Variants in TMLHE observed in about 807,000 individuals in gnomAD.
TMLHE encodes the protein trimethyllysine dioxygenase, mitochondrial.
TMLHE carries 18 observed loss-of-function variants against 25.7 expected under a neutral mutation model. The ratio of observed to expected loss-of-function variants is 0.70; its 90% CI spans 0.48 to 1.04. TMLHE has a LOEUF of 1.04. Ranked by LOEUF, TMLHE falls within the 50% of genes least tolerant of loss-of-function variation. The probability of loss-of-function intolerance (pLI) is 0.00; values close to 1 mark genes in which losing one functional copy is unlikely to be tolerated. For synonymous variants in TMLHE, 105 were observed against 97.0 expected, an observed-to-expected ratio of 1.08 and a Z score of -0.49; for missense variants, 236 against 259.0, an observed-to-expected ratio of 0.91 and a Z score of 0.61.
At chrX:155,555,585 T>C (rs782566642) in intron 1 of TMLHE, among the ~76,000 whole-genome samples, 2 of 111,207 alleles carry the variant, frequency 1.8e-5, no homozygotes, top group African/African-American at 3.3e-5. Flanking sequence ...TGGCGTGAGA[T>C]GGTATCTCAT....
intron 2 of TMLHE, among the ~76,000 whole-genome samples, chrX:155,530,188 C>T (rs1254539222): frequency 1.8e-5 from 2 of 111,324 alleles, no homozygotes; most frequent in Non-Finnish European, 3.8e-5. Flanking sequence ...TGTTGATGGA[C>T]GAATGTATAA....
rs782734419 is a variant in TMLHE, at chrX:155,525,371, C to T, written c.182-739G>A. Among the ~76,000 whole-genome samples the T allele has an allele frequency of 3.5e-4, 39 of 112,112 alleles. No individual in the cohort carries two copies. The South Asian group carries it at 0.014, about 40-fold the overall frequency. On this transcript the variant is annotated intron_variant, in intron 2 of 7. Coordinates refer to ENST00000334398, the MANE Select transcript of TMLHE (RefSeq NM_018196.4). ...CACCTTCCACCATGATTGTAAGTTT[C>T]CTGAGGCCTCCCAGCCATGCTTACT...
intron 1 of TMLHE, among the ~76,000 whole-genome samples, chrX:155,601,221 A>C (rs1031502174): frequency 7.1e-5 from 8 of 112,424 alleles, no homozygotes; most frequent in Non-Finnish European, 1.5e-4. Context: ...AGCTAAAAGG[A>C]AATGACACCA....
chrX:155,588,553 T>C (rs1199856202), intron 1 of TMLHE, among the ~76,000 whole-genome samples: 6 of 111,123 alleles, frequency 5.4e-5, no homozygotes, highest in African/African-American at 1.3e-4. Flanking sequence ...AGACAACCCA[T>C]TGAATGGGAG....
At chrX:155,589,167 G>C (rs1426307791) in intron 1 of TMLHE, among the ~76,000 whole-genome samples, 7 of 112,032 alleles carry the variant, frequency 6.2e-5, no homozygotes, top group Non-Finnish European at 1.1e-4. Flanking sequence ...AATGAAATCG[G>C]CTGGGTGTGG....
chrX:155,610,939 A>G (rs1569562317), intron 1 of TMLHE, among the ~76,000 whole-genome samples: 1 of 111,077 alleles, frequency 9.0e-6, no homozygotes, highest in African/African-American at 3.3e-5. Flanking sequence ...ACATTCATTG[A>G]TTGCCTTTGG....
intron 1 of TMLHE, among the ~76,000 whole-genome samples, chrX:155,582,210 C>G (rs1455537045): frequency 1.8e-5 from 2 of 112,004 alleles, no homozygotes; most frequent in African/African-American, 6.5e-5. Context: ...AGACCTGAAA[C>G]CACAAAAACC....
intron 3 of TMLHE, among the ~76,000 whole-genome samples, chrX:155,523,629 T>C (rs977183748): frequency 9.0e-6 from 1 of 111,505 alleles, no homozygotes; most frequent in African/African-American, 3.3e-5. Context: ...GTTTTGCCTC[T>C]CCTAGGGCCT....
chrX:155,548,283 G>C (rs1291082381), intron 1 of TMLHE, among the ~76,000 whole-genome samples: 1 of 111,520 alleles, frequency 9.0e-6, no homozygotes, highest in East Asian at 2.8e-4. Flanking sequence ...TACATCAAAG[G>C]ATACAACCAA....
intron 1 of TMLHE, among the ~76,000 whole-genome samples, chrX:155,584,728 GA>G (rs199501719): frequency 2.8e-5 from 3 of 108,903 alleles, no homozygotes; most frequent in African/African-American, 1.0e-4. Context: ...TGTCCTGAAA[GA>G]AAAAAAAACT....
intron 1 of TMLHE, among the ~76,000 whole-genome samples, chrX:155,591,426 TC>T (rs1485284980): frequency 4.5e-5 from 5 of 111,764 alleles, no homozygotes; most frequent in African/African-American, 1.6e-4. Flanking sequence ...ATATGCAAGG[TC>T]ATAAAATAAT....
intron 5 of TMLHE, 139 bp downstream of exon 5, chrX:155,511,534 G>T: frequency 1.7e-6 from 1 of 603,089 alleles, no homozygotes; most frequent in Non-Finnish European, 2.4e-6. Flanking sequence ...AAATGATCAT[G>T]TTTCTAGGGG....
intron 5 of TMLHE, among the ~76,000 whole-genome samples, chrX:155,509,950 T>G (rs1557333177): frequency 9.0e-6 from 1 of 111,604 alleles, no homozygotes; most frequent in African/African-American, 3.2e-5. Flanking sequence ...AAAAGCATCT[T>G]ATTCCGTGTG....
chrX:155,538,450 C>T (rs1415307297), intron 2 of TMLHE, among the ~76,000 whole-genome samples: 2 of 111,497 alleles, frequency 1.8e-5, no homozygotes, highest in East Asian at 5.6e-4. Context: ...TGAAAAATCT[C>T]AAATTAGTAC....
At chrX:155,539,785 A>G (rs1369339451) in intron 2 of TMLHE, among the ~76,000 whole-genome samples, 2 of 111,304 alleles carry the variant, frequency 1.8e-5, no homozygotes, top group Non-Finnish European at 3.8e-5. Flanking sequence ...TAGATAGGCA[A>G]CTAAACAAAA....
chrX:155,578,974 A>C (rs1452373841), intron 1 of TMLHE, among the ~76,000 whole-genome samples: 3 of 112,296 alleles, frequency 2.7e-5, no homozygotes, highest in African/African-American at 9.7e-5. Flanking sequence ...GCCAGTAATT[A>C]TCCAGCTGAG....
At chrX:155,522,546 C>T (rs184785374) in intron 3 of TMLHE, among the ~76,000 whole-genome samples, 8 of 112,051 alleles carry the variant, frequency 7.1e-5, no homozygotes, top group East Asian at 2.8e-4. Context: ...CAGCTACATC[C>T]GCCACCTCCT....
chrX:155,576,555 T>C (rs1213915010), intron 1 of TMLHE, among the ~76,000 whole-genome samples: 1 of 111,421 alleles, frequency 9.0e-6, no homozygotes, highest in African/African-American at 3.3e-5. Flanking sequence ...GCCAAAACAA[T>C]CGTAAGGAAA....
At chrX:155,507,601 TC>T (rs782043747) in intron 5 of TMLHE, among the ~76,000 whole-genome samples, 1 of 109,946 alleles carries the variant, frequency 9.1e-6, no homozygotes, top group African/African-American at 3.3e-5. Context: ...TTTTGACTAA[TC>T]TTAAAGAATG....
Sources: allele counts gnomAD v4.1 joint callset (sites outside exome capture counted in the v4.1 genomes callset), GRCh38; gene constraint gnomAD v4.1.1; transcripts MANE v1.5; gene names NCBI Gene and HGNC (gene_info 2026-07-23, HGNC 2026-07-21).